Variants in ADIPOR2 observed in about 807,000 individuals in gnomAD.
ADIPOR2 encodes the protein adiponectin receptor 2.
In ADIPOR2, 18 loss-of-function variants were observed where a neutral mutation model predicts 40.9. The observed-to-expected ratio is 0.44, with a 90% CI of 0.30 to 0.65. The LOEUF is 0.65. Among genes scored for constraint, ADIPOR2 ranks in the 30% least tolerant of loss-of-function variants. The probability of loss-of-function intolerance (pLI) is 0.09; values close to 1 mark genes in which losing one functional copy is unlikely to be tolerated. For missense variants in ADIPOR2, 283 were observed against 479.2 expected (o/e 0.59, Z 3.82); for synonymous variants, 165 against 166.4 (o/e 0.99, Z 0.06).
At chr12:1,695,011 G>GTTTTTTTTTTTTTTTTTTTTT (rs199627849) in intron 1 of ADIPOR2, among the ~76,000 whole-genome samples, 1 of 128,312 alleles carries the variant, frequency 7.8e-6, no homozygotes, top group Non-Finnish European at 1.6e-5. Context: ...TTGTGTTGCA[G>GTTTTTTTTTTTTTTTTTTTTT]TTTTTTTTTT....
At chr12:1,777,112 A>G (rs563491845) in intron 3 of ADIPOR2, among the ~76,000 whole-genome samples, 5 of 152,324 alleles carry the variant, frequency 3.3e-5, no homozygotes, top group African/African-American at 1.2e-4. Context: ...AGCAAAAGGC[A>G]CAAAAGTATG....
intron 1 of ADIPOR2, among the ~76,000 whole-genome samples, chr12:1,692,976 G>A (rs2094630190): frequency 6.6e-6 from 1 of 152,062 alleles, no homozygotes; most frequent in African/African-American, 2.4e-5. Context: ...CCAACATGGT[G>A]AAACCCCGTC....
chr12:1,735,913 G>A (rs1283883699), intron 1 of ADIPOR2, among the ~76,000 whole-genome samples: 2 of 152,170 alleles, frequency 1.3e-5, no homozygotes, highest in African/African-American at 2.4e-5. Flanking sequence ...ATTTGCGTAT[G>A]TTGAACCAGC....
At chr12:1,719,741 C>G (rs543188958) in intron 1 of ADIPOR2, among the ~76,000 whole-genome samples, 1 of 150,534 alleles carries the variant, frequency 6.6e-6, no homozygotes, top group African/African-American at 2.4e-5. Flanking sequence ...GTGGTGCAGT[C>G]TCAGCTCACT....
Position 1,729,617 on chromosome 12 carries a change from G to GTTTTTTT in ADIPOR2, c.-86-24623_-86-24617dup, listed in dbSNP as rs56921758. On this transcript the variant is annotated intron_variant, in intron 1 of 7. Coordinates refer to ENST00000357103, the MANE Select transcript of ADIPOR2 (RefSeq NM_024551.3). ...CATGAGCCAATGAGCTCAGCCAGTT[G>GTTTTTTT]TTTTTTTTTTTTTTTTTTTTTTTTG... Among the ~76,000 whole-genome samples the GTTTTTTT allele has an allele frequency of 2.1e-3, 186 of 88,932 alleles. 3 individuals are homozygous for GTTTTTTT. The highest frequency in any genetic ancestry group is 0.013 in the East Asian group (37 of 2,900). 58.3% of individuals were successfully genotyped at this position (88,932 alleles called of 152,430 possible). A position where few individuals can be genotyped will look rare whatever the true frequency, so the allele number is the denominator to read the frequency against.
chr12:1,695,454 GA>G (rs1275077147), intron 1 of ADIPOR2, among the ~76,000 whole-genome samples: 3 of 151,692 alleles, frequency 2.0e-5, no homozygotes, highest in Non-Finnish European at 4.4e-5. Flanking sequence ...AGGAGTTCGG[GA>G]CCAGCCTGGC....
chr12:1,774,951 C>T (rs1422243777), intron 3 of ADIPOR2, among the ~76,000 whole-genome samples: 1 of 45,594 alleles, frequency 2.2e-5, no homozygotes, highest in African/African-American at 5.2e-5. Context: ...GATCTGCCCG[C>T]CTCGGCCTCC....
intron 3 of ADIPOR2, among the ~76,000 whole-genome samples, chr12:1,773,493 T>G (rs1862527266): frequency 6.6e-6 from 1 of 151,308 alleles, no homozygotes; most frequent in South Asian, 2.1e-4. Flanking sequence ...TTGTCTTGAT[T>G]CCCTAGGACC....
At chr12:1,696,138 A>G (rs1031941838) in intron 1 of ADIPOR2, 11 of 154,102 alleles carry the variant, frequency 7.1e-5, no homozygotes, top group African/African-American at 2.7e-4. Context: ...CACTATTTCA[A>G]TACATTTCCT....
intron 3 of ADIPOR2, among the ~76,000 whole-genome samples, chr12:1,773,606 T>C (rs1261030903): frequency 1.3e-5 from 2 of 151,856 alleles, no homozygotes; most frequent in East Asian, 3.9e-4. Flanking sequence ...TGTAGGTACT[T>C]GATCAATCAG....
intron 1 of ADIPOR2, among the ~76,000 whole-genome samples, chr12:1,751,343 A>C (rs1046839961): frequency 2.0e-5 from 3 of 152,128 alleles, no homozygotes; most frequent in East Asian, 3.8e-4. Context: ...AACAGTATTG[A>C]TAGGAATGTA....
chr12:1,736,415 G>T (rs1402811373), intron 1 of ADIPOR2, among the ~76,000 whole-genome samples: 1 of 152,188 alleles, frequency 6.6e-6, no homozygotes, highest in Non-Finnish European at 1.5e-5. Flanking sequence ...ATGGTACTTT[G>T]TATTTCTGTG....
At chr12:1,723,693 A>T (rs528743389) in intron 1 of ADIPOR2, among the ~76,000 whole-genome samples, 47 of 152,142 alleles carry the variant, frequency 3.1e-4, no homozygotes, top group African/African-American at 8.9e-4. Context: ...AAGTAATTTT[A>T]AAAAAACTGC....
intron 2 of ADIPOR2, among the ~76,000 whole-genome samples, chr12:1,759,583 AACCTATT>A (rs1366774247): frequency 6.6e-6 from 1 of 152,208 alleles, no homozygotes; most frequent in Non-Finnish European, 1.5e-5. Flanking sequence ...TAAATCAATA[AACCTATT>A]AGGAGTGCCC....
chr12:1,691,939 T>G (rs1372475110), intron 1 of ADIPOR2, among the ~76,000 whole-genome samples: 1 of 152,214 alleles, frequency 6.6e-6, no homozygotes, highest in Non-Finnish European at 1.5e-5. Context: ...GTAGAAAGAT[T>G]TAAATGCACA....
intron 2 of ADIPOR2, among the ~76,000 whole-genome samples, chr12:1,766,158 A>G (rs1410087313): frequency 7.2e-5 from 11 of 152,360 alleles, no homozygotes; most frequent in South Asian, 4.1e-4. Flanking sequence ...TTACTATGGT[A>G]GTAACTCCAG....
At chr12:1,724,208 C>G (rs950926264) in intron 1 of ADIPOR2, among the ~76,000 whole-genome samples, 1 of 152,090 alleles carries the variant, frequency 6.6e-6, no homozygotes, top group Admixed American at 6.5e-5. Context: ...GTCTTGAACT[C>G]CTGACCTCGT....
intron 1 of ADIPOR2, among the ~76,000 whole-genome samples, chr12:1,744,113 A>AT (rs979269984): frequency 0.011 from 1,561 of 143,088 alleles, 37 homozygotes; most frequent in African/African-American, 0.036. Context: ...TTTTTTCTGT[A>AT]TTTTTTTTTT....
intron 1 of ADIPOR2, chr12:1,697,884 A>T (rs1019552099): frequency 6.6e-6 from 1 of 152,402 alleles, no homozygotes; most frequent in South Asian, 2.1e-4. Flanking sequence ...AGCTCTGTCA[A>T]TTCTTTGCCA....
Sources: allele counts gnomAD v4.1 joint callset (sites outside exome capture counted in the v4.1 genomes callset), GRCh38; gene constraint gnomAD v4.1.1; transcripts MANE v1.5; gene names NCBI Gene and HGNC (gene_info 2026-07-23, HGNC 2026-07-21).